The following PTPRM variants were observed in gnomAD, a reference collection of about 807,000 sequenced individuals.
PTPRM encodes protein tyrosine phosphatase receptor type M.
A neutral mutation model predicts 186.7 loss-of-function variants in PTPRM; 47 were observed. The observed-to-expected ratio is 0.25, with a 90% CI of 0.20 to 0.32. The LOEUF (loss-of-function observed/expected upper bound fraction) is 0.32, where lower values mean the gene tolerates loss of function less well. Ranked by LOEUF, PTPRM falls within the 10% of genes least tolerant of loss-of-function variation. The pLI is 1.00. For missense variants in PTPRM, 1,494 were observed against 1,865.0 expected, an observed-to-expected ratio of 0.80 and a Z score of 3.66; for synonymous variants, 668 against 674.9, an observed-to-expected ratio of 0.99 and a Z score of 0.16.
At chr18:7,655,514 T>C (rs1370579799) in intron 1 of PTPRM, among the ~76,000 whole-genome samples, 1 of 152,226 alleles carries the variant, frequency 6.6e-6, no homozygotes, top group Non-Finnish European at 1.5e-5. Context: ...ACAAAGGTAA[T>C]CATAGTCTTA....
intron 13 of PTPRM, among the ~76,000 whole-genome samples, chr18:8,131,675 G>T (rs968214787): frequency 6.6e-6 from 1 of 152,104 alleles, no homozygotes; most frequent in Non-Finnish European, 1.5e-5. Flanking sequence ...TCTATTATAT[G>T]GATTATAGAT....
chr18:7,650,987 A>G (rs564636517), intron 1 of PTPRM, among the ~76,000 whole-genome samples: 3 of 147,590 alleles, frequency 2.0e-5, no homozygotes, highest in East Asian at 4.0e-4. Flanking sequence ...GCTGGAGTGC[A>G]GTGGTGTGGT....
chr18:8,155,070 G>A (rs1191943787), intron 14 of PTPRM: 2 of 152,040 alleles, frequency 1.3e-5, no homozygotes, highest in Non-Finnish European at 2.9e-5. Context: ...ACAGAACCAC[G>A]GGGCAATGTA....
At chr18:7,728,617 G>A (rs1162541918) in intron 1 of PTPRM, among the ~76,000 whole-genome samples, 2 of 152,228 alleles carry the variant, frequency 1.3e-5, no homozygotes, top group Non-Finnish European at 2.9e-5. Flanking sequence ...GCAAACTGGG[G>A]CAGATGTTCT....
At chr18:7,655,131 T>C (rs951432822) in intron 1 of PTPRM, among the ~76,000 whole-genome samples, 1 of 152,194 alleles carries the variant, frequency 6.6e-6, no homozygotes, top group Admixed American at 6.5e-5. Flanking sequence ...CTTTGAGCAG[T>C]GTTTTGTAGT....
At chr18:8,197,166 G>T (rs2093790208) in intron 14 of PTPRM, among the ~76,000 whole-genome samples, 1 of 152,164 alleles carries the variant, frequency 6.6e-6, no homozygotes, top group Non-Finnish European at 1.5e-5. Flanking sequence ...TAACATTATA[G>T]TCATGGTCTT....
intron 7 of PTPRM, among the ~76,000 whole-genome samples, chr18:8,006,311 G>T (rs939626803): frequency 6.6e-6 from 1 of 152,112 alleles, no homozygotes; most frequent in African/African-American, 2.4e-5. Flanking sequence ...AGAATAATGG[G>T]CCTGTATGCT....
chr18:8,074,187 C>T (rs941874410), intron 8 of PTPRM, among the ~76,000 whole-genome samples: 1 of 152,086 alleles, frequency 6.6e-6, no homozygotes, highest in African/African-American at 2.4e-5. Context: ...GCAGGCTTTC[C>T]AATCTGTGGT....
intron 1 of PTPRM, among the ~76,000 whole-genome samples, chr18:7,763,243 G>C (rs573843480): frequency 4.6e-5 from 7 of 152,138 alleles, no homozygotes; most frequent in Non-Finnish European, 8.8e-5. Flanking sequence ...AAAATTATTT[G>C]GACCCCAGTG....
At chr18:8,234,285 A>G (rs2147183971) in intron 14 of PTPRM, among the ~76,000 whole-genome samples, 1 of 152,264 alleles carries the variant, frequency 6.6e-6, no homozygotes, top group African/African-American at 2.4e-5. Context: ...GTTTTCCTCT[A>G]TACTTTTTGT....
rs1324073899 is a variant in PTPRM at position 8,073,012 on chromosome 18, CA to C, written c.1441+3019del. Among the ~76,000 whole-genome samples, 7 of 102,074 alleles carry C rather than the reference CA, an allele frequency of 6.9e-5. No individual in the cohort carries two copies. The Admixed American group carries it at 7.0e-4, about 10-fold the overall frequency. 67.0% of individuals were successfully genotyped at this position (102,074 alleles called of 152,430 possible). On this transcript the variant is annotated intron_variant, in intron 8 of 32. Coordinates refer to ENST00000580170, the MANE Select transcript of PTPRM (RefSeq NM_001105244.2). The stretch of plus-strand genomic sequence containing the variant: ...ATTCTACTGCCATTTACCACAGGGT[CA>C]CCACCAGTACATTCTAATAAGTCCA...
chr18:7,616,321 G>A (rs999750334), intron 1 of PTPRM, among the ~76,000 whole-genome samples: 1 of 152,058 alleles, frequency 6.6e-6, no homozygotes, highest in Non-Finnish European at 1.5e-5. Flanking sequence ...ACCACACCCT[G>A]CTAATTTTTA....
chr18:8,072,616 T>C (rs557285167), intron 8 of PTPRM, among the ~76,000 whole-genome samples: 37 of 152,300 alleles, frequency 2.4e-4, no homozygotes, highest in Admixed American at 8.5e-4. Flanking sequence ...GGAGTCACTT[T>C]GTTTATCCAT....
chr18:7,793,076 G>T (rs1054519568), intron 2 of PTPRM, among the ~76,000 whole-genome samples: 4 of 152,178 alleles, frequency 2.6e-5, no homozygotes, highest in African/African-American at 9.6e-5. Context: ...TGGACATTTG[G>T]ATATTTCAAC....
chr18:7,982,664 T>C (rs913143041), intron 7 of PTPRM, among the ~76,000 whole-genome samples: 8 of 152,190 alleles, frequency 5.3e-5, no homozygotes, highest in Non-Finnish European at 1.0e-4. Context: ...GCTTGACTTT[T>C]ATATGACTGG....
At chr18:8,297,360 T>C (rs917321770) in intron 20 of PTPRM, among the ~76,000 whole-genome samples, 4 of 152,238 alleles carry the variant, frequency 2.6e-5, no homozygotes, top group Non-Finnish European at 5.9e-5. Flanking sequence ...ATTAGCTTTA[T>C]TGATTGTGAA....
rs796931744 is a variant in PTPRM at position 7,748,835 on chromosome 18, T to A, written c.74-25314T>A. Among the ~76,000 whole-genome samples, 3 of 152,146 alleles carry A rather than the reference T, an allele frequency of 2.0e-5. No homozygotes were observed. The South Asian group carries it at 6.2e-4, about 32-fold the overall frequency. ...AGGAACCCACAGCCTTCCATTCCCA[T>A]TATTGGAGGAAGCCCTTAAGGAACT... On this transcript the variant is annotated intron_variant, in intron 1 of 32. Coordinates refer to ENST00000580170, the MANE Select transcript of PTPRM (RefSeq NM_001105244.2).
At chr18:8,202,361 A>G (rs1398952669) in intron 14 of PTPRM, among the ~76,000 whole-genome samples, 3 of 152,234 alleles carry the variant, frequency 2.0e-5, no homozygotes, top group African/African-American at 2.4e-5. Flanking sequence ...GGTGCTAGAA[A>G]GAAGAGGGGC....
intron 1 of PTPRM, among the ~76,000 whole-genome samples, chr18:7,726,237 C>G (rs776778513): frequency 6.6e-6 from 1 of 152,124 alleles, no homozygotes; most frequent in African/African-American, 2.4e-5. Context: ...ATTTCTCTAA[C>G]GACTAATGAT....
Sources: gnomAD v4.1 joint callset for allele counts (sites outside exome capture counted in the v4.1 genomes callset) on GRCh38, gnomAD v4.1.1 for gene constraint, MANE v1.5 for transcripts, NCBI Gene and HGNC (gene_info 2026-07-23, HGNC 2026-07-21) for gene names.